Variants in PARD3 observed in about 807,000 individuals in gnomAD.
The protein encoded by PARD3 is partitioning defective 3 homolog.
A neutral mutation model predicts 155.4 loss-of-function variants in PARD3; 75 were observed. The ratio of observed to expected loss-of-function variants is 0.48; its 90% confidence interval spans 0.40 to 0.58. The LOEUF is 0.58. PARD3 is among the 20% of genes least tolerant of loss of function. The probability of loss-of-function intolerance (pLI) is 0.00; values close to 1 mark genes in which losing one functional copy is unlikely to be tolerated. For missense variants in PARD3, 1,642 were observed against 1,721.7 expected, an observed-to-expected ratio of 0.95 and a Z score of 0.82; for synonymous variants, 576 against 610.5, an observed-to-expected ratio of 0.94 and a Z score of 0.83.
chr10:34,335,811 C>G (rs952258956), intron 18 of PARD3, among the ~76,000 whole-genome samples: 10 of 150,928 alleles, frequency 6.6e-5, no homozygotes, highest in Non-Finnish European at 1.2e-4. Flanking sequence ...AATCACCACT[C>G]TGAGAATCAC....
intron 22 of PARD3, among the ~76,000 whole-genome samples, chr10:34,239,885 A>G (rs2133641981): frequency 6.6e-6 from 1 of 152,288 alleles, no homozygotes; most frequent in African/African-American, 2.4e-5. Flanking sequence ...ATGAAAAAAT[A>G]TGAGTATTTT....
At chr10:34,497,714 CAAGTT>C (rs1323565136) in intron 3 of PARD3, among the ~76,000 whole-genome samples, 2 of 152,138 alleles carry the variant, frequency 1.3e-5, no homozygotes, top group Admixed American at 6.5e-5. Context: ...CTGTTCCTCA[CAAGTT>C]AAATGAGCTA....
At chr10:34,533,969 C>T (rs1039888337) in intron 2 of PARD3, among the ~76,000 whole-genome samples, 2 of 152,214 alleles carry the variant, frequency 1.3e-5, no homozygotes, top group South Asian at 2.1e-4. Flanking sequence ...GCATTCAGTA[C>T]GTCGGCAAGA....
Position 34,119,383 on chromosome 10 carries a change from C to G in PARD3, c.3668+230G>C, listed in dbSNP as rs569716582. On this transcript the variant is annotated intron_variant, in intron 24 of 24. Coordinates refer to ENST00000374788, the MANE Select transcript of PARD3 (RefSeq NM_001184785.2). ...CGAGTCGCTTCACTTTTTTAGGGAG[C>G]TTGTGGGTGAAAATACTGGCATCTC... is the stretch of plus-strand genomic sequence containing the variant. Among the ~76,000 whole-genome samples, 5 of 152,312 alleles carry G rather than the reference C, an allele frequency of 3.3e-5. No individual in the cohort carries two copies. The South Asian group carries it at 1.0e-3, about 32-fold the overall frequency.
chr10:34,478,477 T>A (rs1441969048), intron 3 of PARD3, among the ~76,000 whole-genome samples: 1 of 152,248 alleles, frequency 6.6e-6, no homozygotes, highest in Non-Finnish European at 1.5e-5. Flanking sequence ...GATAACAGGA[T>A]GTTTTCAATG....
chr10:34,564,080 A>T (rs1285694449), intron 2 of PARD3, among the ~76,000 whole-genome samples: 1 of 152,230 alleles, frequency 6.6e-6, no homozygotes, highest in Admixed American at 6.5e-5. Flanking sequence ...CATACCTGCT[A>T]GCAGTTACTT....
intron 4 of PARD3, among the ~76,000 whole-genome samples, chr10:34,463,822 C>T (rs2077833930): frequency 1.3e-5 from 2 of 152,108 alleles, no homozygotes; most frequent in African/African-American, 4.8e-5. Context: ...ATGTTGGATA[C>T]ACAAATATCT....
chr10:34,346,019 C>T, intron 15 of PARD3: 1 of 985,218 alleles, frequency 1.0e-6, no homozygotes, highest in Non-Finnish European at 1.2e-6. Context: ...ATAAAAACAT[C>T]AATTTAGCCT....
At chr10:34,490,008 T>C (rs574912584) in intron 3 of PARD3, among the ~76,000 whole-genome samples, 46 of 152,252 alleles carry the variant, frequency 3.0e-4, no homozygotes, top group African/African-American at 1.0e-3. Flanking sequence ...GAAAACATGC[T>C]CCTATCCAGT....
At chr10:34,292,410 G>C (rs1210686839) in intron 20 of PARD3, among the ~76,000 whole-genome samples, 2 of 152,208 alleles carry the variant, frequency 1.3e-5, no homozygotes, top group African/African-American at 2.4e-5. Flanking sequence ...AATGCTGGAT[G>C]AATCAGCGAA....
intron 21 of PARD3, among the ~76,000 whole-genome samples, chr10:34,281,802 A>G (rs2133921239): frequency 6.6e-6 from 1 of 152,326 alleles, no homozygotes; most frequent in South Asian, 2.1e-4. Flanking sequence ...GTTTGTGGAC[A>G]ATCATAACTC....
rs527999440 is a variant in PARD3 at position 34,352,925 on chromosome 10, G to A, written c.2068-4810C>T. 4.7e-5 allele frequency among the ~76,000 whole-genome samples: 7 copies of A among 150,486 alleles called. No homozygotes were observed. The East Asian group carries it at 9.9e-4, about 21-fold the overall frequency. The stretch of plus-strand genomic sequence containing the variant: ...GAGCGTCTCTGCCCGGCCGCCCATC[G>A]TCTGAGATGTGGGGAGCGCCTCTGC... On this transcript the variant is annotated intron_variant, in intron 14 of 24. Transcript: ENST00000374788.
chr10:34,517,473 A>C (rs1484744112), intron 2 of PARD3, among the ~76,000 whole-genome samples: 2 of 152,194 alleles, frequency 1.3e-5, no homozygotes, highest in African/African-American at 4.8e-5. Flanking sequence ...ATTTAAATGG[A>C]AAAGAAAAAT....
At chr10:34,233,017 A>ATTTTTTTTTTTTTTTT (rs3039283) in intron 22 of PARD3, among the ~76,000 whole-genome samples, 10 of 96,190 alleles carry the variant, frequency 1.0e-4, no homozygotes, top group African/African-American at 1.8e-4. Context: ...TCAAATGTTA[A>ATTTTTTTTTTTTTTTT]TTTTTTTTTT....
intron 1 of PARD3, among the ~76,000 whole-genome samples, chr10:34,737,290 G>A (rs534313222): frequency 7.2e-5 from 11 of 152,218 alleles, no homozygotes; most frequent in Non-Finnish European, 1.5e-4. Flanking sequence ...CTGTAACTAT[G>A]TGCTCAGGCA....
At chr10:34,215,442 C>G (rs1466468142) in intron 22 of PARD3, among the ~76,000 whole-genome samples, 1 of 152,188 alleles carries the variant, frequency 6.6e-6, no homozygotes, top group Non-Finnish European at 1.5e-5. Context: ...ACTTTCAAAA[C>G]TCTATCCTTT....
intron 1 of PARD3, among the ~76,000 whole-genome samples, chr10:34,769,870 C>CAG (rs1426776153): frequency 6.6e-6 from 1 of 151,112 alleles, no homozygotes; most frequent in Non-Finnish European, 1.5e-5. Flanking sequence ...AATTCATACA[C>CAG]ACACACACAC....
chr10:34,158,325 AC>A (rs1949112359), intron 22 of PARD3, among the ~76,000 whole-genome samples: 1 of 152,228 alleles, frequency 6.6e-6, no homozygotes, highest in Admixed American at 6.5e-5. Flanking sequence ...GCATTAAAGA[AC>A]CTAGAATCTT....
chr10:34,128,195 G>A (rs1267123477), intron 23 of PARD3, among the ~76,000 whole-genome samples: 1 of 152,092 alleles, frequency 6.6e-6, no homozygotes, highest in Non-Finnish European at 1.5e-5. Context: ...TCAAACTACA[G>A]TTGACCCTTG....
Sources: allele counts gnomAD v4.1 joint callset (sites outside exome capture counted in the v4.1 genomes callset), GRCh38; gene constraint gnomAD v4.1.1; transcripts MANE v1.5; gene names NCBI Gene and HGNC (gene_info 2026-07-23, HGNC 2026-07-21).